HSD17B2: variants seen among roughly 807,000 people sequenced by gnomAD.
HSD17B2 encodes 17-beta-hydroxysteroid dehydrogenase type 2.
In HSD17B2, 32 loss-of-function variants were observed where a neutral mutation model predicts 26.9. The observed-to-expected ratio is 1.19, with a 90% CI of 0.90 to 1.60. HSD17B2 has a LOEUF of 1.60. Ranked by LOEUF, HSD17B2 falls within the 40% of genes most tolerant of loss-of-function variation. HSD17B2 has a pLI of 0.00. For missense variants in HSD17B2, 613 were observed against 468.6 expected, an observed-to-expected ratio of 1.31 and a Z score of -2.85; for synonymous variants, 246 against 186.7, an observed-to-expected ratio of 1.32 and a Z score of -2.59.
At chr16:82,072,655 G>A (rs1914723417) in intron 3 of HSD17B2, among the ~76,000 whole-genome samples, 1 of 152,150 alleles carries the variant, frequency 6.6e-6, no homozygotes, top group African/African-American at 2.4e-5. Context: ...ATGTGCTGTA[G>A]GCCCAGTGTC....
intron 3 of HSD17B2, among the ~76,000 whole-genome samples, chr16:82,087,818 G>A (rs999382183): frequency 6.6e-6 from 1 of 152,112 alleles, no homozygotes. Flanking sequence ...GCAGAAGGTG[G>A]AAGGGCAAGA....
chr16:82,071,260 C>T (rs532051207), intron 3 of HSD17B2, 133 bp downstream of exon 3: 11 of 809,764 alleles, frequency 1.4e-5, no homozygotes, highest in African/African-American at 5.0e-5. Flanking sequence ...ATTGTATATA[C>T]CCTGTTGGTC....
intron 4 of HSD17B2, chr16:82,095,050 C>G (rs779646485): frequency 2.6e-5 from 4 of 152,160 alleles, no homozygotes; most frequent in Non-Finnish European, 5.9e-5. Flanking sequence ...TGATGACGGA[C>G]TGATGGCAAA....
chr16:82,053,969 G>A (rs968275442), intron 1 of HSD17B2, among the ~76,000 whole-genome samples: 1 of 152,042 alleles, frequency 6.6e-6, no homozygotes, highest in African/African-American at 2.4e-5. Flanking sequence ...ATCACTTAAG[G>A]TCACCATGCT....
intron 3 of HSD17B2, among the ~76,000 whole-genome samples, chr16:82,075,359 A>C (rs1049230494): frequency 2.0e-5 from 3 of 152,178 alleles, no homozygotes; most frequent in Non-Finnish European, 4.4e-5. Flanking sequence ...ATTAGAGCAG[A>C]AATAAATAAA....
chr16:82,086,301 A>C (rs1014802035), intron 3 of HSD17B2, among the ~76,000 whole-genome samples: 4 of 152,356 alleles, frequency 2.6e-5, no homozygotes, highest in African/African-American at 9.6e-5. Flanking sequence ...CAGCTTTACA[A>C]AGAGTGAAGT....
intron 1 of HSD17B2, among the ~76,000 whole-genome samples, chr16:82,040,132 CAGG>C (rs1388828634): frequency 6.6e-6 from 1 of 152,072 alleles, no homozygotes; most frequent in Non-Finnish European, 1.5e-5. Flanking sequence ...AGAACGGATC[CAGG>C]AGGAGAAGTA....
At chr16:82,090,868 A>C (rs1239595191) in intron 3 of HSD17B2, 34 bp from the exon 4 acceptor site, 1 of 1,572,580 alleles carries the variant, frequency 6.4e-7, no homozygotes, top group East Asian at 2.2e-5. Context: ...GAACATTTCT[A>C]ACTTTGCTTC....
Position 82,068,249 on chromosome 16 carries a change from T to A in HSD17B2, c.345T>A (p.Asn115Lys). ...LGFTVFAGVL[N>K]ENGPGAEELR... ...TCACGGTATTTGCCGGAGTTTTGAA[T>A]GAAAATGGCCCAGGAGCTGAGGAAT... The change falls in exon 2 of 5, where the codon AAT becomes AAA. Residue 115 changes from asparagine (N) to lysine (K), a missense_variant. Coordinates refer to ENST00000199936, the MANE Select transcript of HSD17B2 (RefSeq NM_002153.3). The A allele has an allele frequency of 6.2e-7, 1 of 1,614,050 alleles. No homozygotes were observed. The highest frequency in any genetic ancestry group is 8.5e-7 in the Non-Finnish European group (1 of 1,180,014).
At chr16:82,038,260 G>A (rs566802381) in intron 1 of HSD17B2, among the ~76,000 whole-genome samples, 1 of 152,334 alleles carries the variant, frequency 6.6e-6, no homozygotes, top group South Asian at 2.1e-4. Context: ...AGCATAGAGT[G>A]TTTGAATACA....
intron 3 of HSD17B2, among the ~76,000 whole-genome samples, chr16:82,089,385 C>G (rs4889456): frequency 0.56 from 85,566 of 151,838 alleles, 24,372 homozygotes; most frequent in Middle Eastern, 0.66. Context: ...GCTTCTTTCA[C>G]TTGGGAAATC....
chr16:82,060,954 T>G (rs1469634130), intron 1 of HSD17B2, among the ~76,000 whole-genome samples: 2 of 152,066 alleles, frequency 1.3e-5, no homozygotes, highest in Non-Finnish European at 2.9e-5. Context: ...TAGTGTCGGT[T>G]TTTTAAAAAA....
intron 1 of HSD17B2, among the ~76,000 whole-genome samples, chr16:82,040,120 G>A (rs753192327): frequency 2.6e-5 from 4 of 152,206 alleles, no homozygotes; most frequent in Non-Finnish European, 4.4e-5. Context: ...TGGATATATT[G>A]GAGAACGGAT....
chr16:82,076,558 C>T (rs536354784), intron 3 of HSD17B2, among the ~76,000 whole-genome samples: 1 of 152,192 alleles, frequency 6.6e-6, no homozygotes, highest in African/African-American at 2.4e-5. Flanking sequence ...ACGAAATCAA[C>T]ATACAAAAAT....
intron 1 of HSD17B2, among the ~76,000 whole-genome samples, chr16:82,059,006 T>C (rs1026820374): frequency 8.5e-5 from 13 of 152,194 alleles, no homozygotes; most frequent in African/African-American, 3.1e-4. Context: ...GTGTGGGGTC[T>C]GGAACAGTGA....
At chr16:82,060,728 C>G (rs147455354) in intron 1 of HSD17B2, among the ~76,000 whole-genome samples, 152 of 152,232 alleles carry the variant, frequency 1.0e-3, no homozygotes, top group African/African-American at 3.6e-3. Context: ...ATACCAACCC[C>G]GTAAGCACCT....
At chr16:82,091,277 G>C (rs1196269027) in intron 4 of HSD17B2, 2 of 545,820 alleles carry the variant, frequency 3.7e-6, no homozygotes, top group Non-Finnish European at 3.3e-6. Context: ...GAAAACCAGG[G>C]AGAGGGGAAA....
intron 3 of HSD17B2, among the ~76,000 whole-genome samples, chr16:82,082,327 C>T (rs1597136629): frequency 6.6e-6 from 1 of 152,084 alleles, no homozygotes; most frequent in South Asian, 2.1e-4. Context: ...TTGGAATGTA[C>T]ACATTGCTTA....
intron 1 of HSD17B2, chr16:82,044,535 G>T (rs1204708762): frequency 2.0e-5 from 3 of 152,288 alleles, no homozygotes; most frequent in Non-Finnish European, 2.9e-5. Flanking sequence ...CCACGTGAGG[G>T]TCTGGCCTCT....
Sources: allele counts gnomAD v4.1 joint callset (sites outside exome capture counted in the v4.1 genomes callset), GRCh38; gene constraint gnomAD v4.1.1; transcripts MANE v1.5; gene names NCBI Gene and HGNC (gene_info 2026-07-23, HGNC 2026-07-21).